The following RORA variants were observed in gnomAD, a reference collection of about 807,000 sequenced individuals.
RORA encodes nuclear receptor ROR-alpha.
A neutral mutation model predicts 69.5 loss-of-function variants in RORA; 7 were observed. The observed-to-expected ratio is 0.10, with a 90% confidence interval of 0.06 to 0.19. The LOEUF is 0.19. RORA is among the 10% of genes least tolerant of loss of function. The probability of loss-of-function intolerance (pLI) is 1.00; values close to 1 mark genes in which losing one functional copy is unlikely to be tolerated. For synonymous variants in RORA, 261 were observed against 240.8 expected, an observed-to-expected ratio of 1.08 and a Z score of -0.78; for missense variants, 457 against 663.0, an observed-to-expected ratio of 0.69 and a Z score of 3.41.
intron 2 of RORA, among the ~76,000 whole-genome samples, chr15:60,591,082 C>A (rs339969): frequency 0.68 from 102,724 of 152,064 alleles, 35,309 homozygotes; most frequent in East Asian, 0.9. Flanking sequence ...GATTGCAACA[C>A]AACCCCAAAC....
chr15:60,859,433 C>T (rs150022302), intron 1 of RORA, among the ~76,000 whole-genome samples: 2 of 151,158 alleles, frequency 1.3e-5, no homozygotes, highest in African/African-American at 4.9e-5. Context: ...ACAGAGATCT[C>T]GAGCTCCACC....
At chr15:61,083,731 G>A (rs1169348341) in intron 1 of RORA, among the ~76,000 whole-genome samples, 4 of 151,806 alleles carry the variant, frequency 2.6e-5, no homozygotes, top group South Asian at 2.1e-4. Context: ...TCTCCCTTAC[G>A]GAAAATTGCT....
intron 1 of RORA, among the ~76,000 whole-genome samples, chr15:61,224,326 T>A (rs2080126567): frequency 6.6e-6 from 1 of 152,230 alleles, no homozygotes; most frequent in African/African-American, 2.4e-5. Flanking sequence ...GCGTTTCCTA[T>A]AAATTTTTTT....
At chr15:60,933,008 G>A (rs992669027) in intron 1 of RORA, among the ~76,000 whole-genome samples, 4 of 152,110 alleles carry the variant, frequency 2.6e-5, no homozygotes, top group Non-Finnish European at 5.9e-5. Flanking sequence ...GGAGTTTCCA[G>A]GTTGCCCCCC....
At chr15:61,042,953 G>A (rs888050764) in intron 1 of RORA, among the ~76,000 whole-genome samples, 37 of 152,296 alleles carry the variant, frequency 2.4e-4, no homozygotes, top group Non-Finnish European at 1.5e-4. Flanking sequence ...CTGAGCAAGG[G>A]CAAGTTTATG....
rs183975579 is a variant in RORA at position 60,798,832 on chromosome 15, T to C, written c.167-120146A>G. ...CTAAAAAGGAATGATATATCCCCACTCTAAAGTGGAGGCAAGCATGTGTAA... is the reference window on the plus strand; with the variant it reads ...CTAAAAAGGAATGATATATCCCCACCCTAAAGTGGAGGCAAGCATGTGTAA... On this transcript the variant is annotated intron_variant, in intron 1 of 10. Transcript: ENST00000335670. Among the ~76,000 whole-genome samples the C allele has an allele frequency of 6.6e-5, 10 of 152,088 alleles. No individual in the cohort carries two copies. The East Asian group carries it at 1.9e-3, about 29-fold the overall frequency.
At chr15:60,846,380 C>T (rs987014693) in intron 1 of RORA, among the ~76,000 whole-genome samples, 1 of 152,202 alleles carries the variant, frequency 6.6e-6, no homozygotes, top group African/African-American at 2.4e-5. Context: ...TTCAAAGCAA[C>T]AGGTTTCTCT....
chr15:60,638,793 A>G (rs1257034485), intron 2 of RORA, among the ~76,000 whole-genome samples: 1 of 152,238 alleles, frequency 6.6e-6, no homozygotes, highest in Non-Finnish European at 1.5e-5. Context: ...GAGGGCTATA[A>G]GTAAGTTTTC....
At chr15:60,624,802 G>A (rs1260111839) in intron 2 of RORA, among the ~76,000 whole-genome samples, 1 of 151,906 alleles carries the variant, frequency 6.6e-6, no homozygotes, top group Non-Finnish European at 1.5e-5. Context: ...GAGGGCCAAG[G>A]GAACAATGAT....
At chr15:60,850,239 G>A (rs2073309962) in intron 1 of RORA, among the ~76,000 whole-genome samples, 1 of 152,130 alleles carries the variant, frequency 6.6e-6, no homozygotes, top group South Asian at 2.1e-4. Context: ...GCCCAAAGAT[G>A]AGCCAGCAAG....
rs571263605 is a variant in RORA at position 61,095,242 on chromosome 15, A to G, written c.166+133811T>C. On this transcript the variant is annotated intron_variant, in intron 1 of 10. Transcript: ENST00000335670. Reference sequence around the variant, plus strand: ...AATGCTCAGGTGGGCGGCTGCTGCAATGCTCTGAAGGGTATATGCCGAGAT... The same window carrying G: ...AATGCTCAGGTGGGCGGCTGCTGCAGTGCTCTGAAGGGTATATGCCGAGAT... 3.3e-5 allele frequency among the ~76,000 whole-genome samples: 5 copies of G among 152,280 alleles called. 1 individual carries two copies. In the South Asian group the frequency reaches 1.0e-3, roughly 32 times the overall value.
At chr15:60,561,384 T>C (rs1044305565) in intron 2 of RORA, among the ~76,000 whole-genome samples, 3 of 152,034 alleles carry the variant, frequency 2.0e-5, no homozygotes, top group Non-Finnish European at 4.4e-5. Context: ...CCTGGCCAAC[T>C]TGTGTTTTTT....
intron 1 of RORA, among the ~76,000 whole-genome samples, chr15:61,220,621 T>C (rs541320772): frequency 6.6e-6 from 1 of 152,280 alleles, no homozygotes; most frequent in Non-Finnish European, 1.5e-5. Flanking sequence ...TTAAAATTAA[T>C]TGGAAGAGTC....
intron 4 of RORA, among the ~76,000 whole-genome samples, chr15:60,512,366 G>A (rs117346597): frequency 6.6e-6 from 1 of 152,248 alleles, no homozygotes; most frequent in East Asian, 1.9e-4. Flanking sequence ...GCTCACTGCA[G>A]CCTCAACCTC....
At chr15:60,825,781 G>A (rs341383) in intron 1 of RORA, among the ~76,000 whole-genome samples, 39,586 of 152,026 alleles carry the variant, frequency 0.26, 5,600 homozygotes, top group Admixed American at 0.35. Context: ...TCTAACATTT[G>A]AATCTAAGAT....
At chr15:60,607,420 A>T (rs2068973718) in intron 2 of RORA, among the ~76,000 whole-genome samples, 1 of 152,192 alleles carries the variant, frequency 6.6e-6, no homozygotes, top group Admixed American at 6.5e-5. Flanking sequence ...ATTTTTTATG[A>T]TGTACCTCAT....
At chr15:60,970,053 T>C (rs761300561) in intron 1 of RORA, among the ~76,000 whole-genome samples, 40 of 152,086 alleles carry the variant, frequency 2.6e-4, no homozygotes, top group Non-Finnish European at 4.7e-4. Context: ...AAAGAAGAGG[T>C]CCTGTGAGCA....
intron 2 of RORA, among the ~76,000 whole-genome samples, chr15:60,666,506 G>GT (rs2070384447): frequency 1.3e-5 from 2 of 151,860 alleles, no homozygotes; most frequent in African/African-American, 4.8e-5. Context: ...AGAATATCTA[G>GT]TAGGACAAAG....
At chr15:60,979,284 T>A (rs1031626461) in intron 1 of RORA, among the ~76,000 whole-genome samples, 9 of 140,114 alleles carry the variant, frequency 6.4e-5, no homozygotes, top group Non-Finnish European at 7.6e-5. Flanking sequence ...TTTTTTTTTT[T>A]TTTTTTTCCA....
Sources: gnomAD v4.1 joint callset for allele counts (sites outside exome capture counted in the v4.1 genomes callset) on GRCh38, gnomAD v4.1.1 for gene constraint, MANE v1.5 for transcripts, NCBI Gene and HGNC (gene_info 2026-07-23, HGNC 2026-07-21) for gene names.